Variants in H1-4 observed in about 807,000 individuals in gnomAD.
H1-4 encodes the protein histone H1.4.
H1-4 carries 9 observed loss-of-function variants against 7.2 expected under a neutral mutation model. That is an observed-to-expected ratio of 1.25 (90% CI 0.75 to 2.18). The LOEUF (loss-of-function observed/expected upper bound fraction) is 2.18, where lower values mean the gene tolerates loss of function less well. Ranked by LOEUF, H1-4 falls within the 30% of genes most tolerant of loss-of-function variation. H1-4 has a pLI of 0.00. For missense variants in H1-4, 646 were observed against 287.9 expected, an observed-to-expected ratio of 2.24 and a Z score of -9.00; for synonymous variants, 318 against 126.6, an observed-to-expected ratio of 2.51 and a Z score of -10.15.
chr6:26,156,724 G>T lies in H1-4; in HGVS notation c.334G>T (p.Ala112Ser). Reference sequence around the variant, plus strand: ...TTCCTTCAAACTCAACAAGAAGGCGGCCTCTGGGGAAGCCAAGCCTAAGGC... The same window carrying T: ...TTCCTTCAAACTCAACAAGAAGGCGTCCTCTGGGGAAGCCAAGCCTAAGGC... ...SGSFKLNKKA[A>S]SGEAKPKAKK... Residue 112 changes from alanine (A) to serine (S), a missense_variant, in exon 1 of 1, where the codon GCC becomes TCC. Transcript: ENST00000304218. The T allele has an allele frequency of 6.2e-7, 1 of 1,614,180 alleles. No individual in the cohort carries two copies. Among genetic ancestry groups the T allele is most frequent in the Middle Eastern group, 1.7e-4 (1 of 6,048 alleles).
Position 26,156,714 on chromosome 6 carries a change from C to T in H1-4, c.324C>T (p.Asn108=), listed in dbSNP as rs138100908. Residue 108 remains asparagine, a synonymous_variant, in exon 1 of 1, where the codon AAC becomes AAT. Transcript: ENST00000304218. The part of the protein sequence containing the change: ...GTGASGSFKL[N]KKAASGEAKP... Reference sequence around the variant, plus strand: ...GCGCGTCGGGTTCCTTCAAACTCAACAAGAAGGCGGCCTCTGGGGAAGCCA... The same window carrying T: ...GCGCGTCGGGTTCCTTCAAACTCAATAAGAAGGCGGCCTCTGGGGAAGCCA... The T allele has an allele frequency of 3.4e-5, 55 of 1,614,114 alleles. No individual in the cohort carries two copies. The African/African-American group carries it at 5.2e-4, about 15-fold the overall frequency.
chr6:26,157,001 C>T lies in H1-4; in HGVS notation c.611C>T (p.Ala204Val). 2 of 1,599,630 alleles carry T rather than the reference C, an allele frequency of 1.3e-6. No homozygotes were observed. The highest frequency in any genetic ancestry group is 1.7e-6 in the Non-Finnish European group (2 of 1,176,538). ...CCCAAGGCGGCTAAACCAAAGACCG[C>T]CAAGCCCAAGGCAGCCAAGCCAAAG... ...VKPKAAKPKT[A>V]KPKAAKPKKA... The change falls in exon 1 of 1, where the codon GCC becomes GTC. Residue 204 changes from alanine to valine, a missense_variant. By Grantham distance (64) the Ala-to-Val change is moderately conservative (BLOSUM62 0). Transcript: ENST00000304218.
At position 26,156,514 on chromosome 6, in the gene H1-4, G is replaced by T; in HGVS notation, c.124G>T (p.Glu42Ter). 1 of 1,613,894 alleles carries T rather than the reference G, an allele frequency of 6.2e-7. No homozygotes were observed. Among genetic ancestry groups the T allele is most frequent in the Non-Finnish European group, 8.5e-7 (1 of 1,179,978 alleles). The change falls in exon 1 of 1, where the codon GAG becomes TAG. Residue 42 changes from glutamate (E) to a stop codon, truncating the protein, a stop_gained. Coordinates refer to ENST00000304218, the MANE Select transcript of H1-4 (RefSeq NM_005321.3). LOFTEE classifies it high-confidence loss of function. ...CAAAGCGTCTGGGCCCCCGGTGTCC[G>T]AGCTCATTACTAAAGCTGTTGCCGC... ...KRKASGPPVS[E>*]LITKAVAASK...
In H1-4 at chr6:26,156,930, G is replaced by A. The variant is rs1764201787; in HGVS notation, c.540G>A (p.Lys180=). Residue 180 remains lysine (K), a synonymous_variant, in exon 1 of 1, where the codon AAG becomes AAA. Coordinates refer to ENST00000304218, the MANE Select transcript of H1-4 (RefSeq NM_005321.3). ...GCCCGAAAAAGGCGAAAGCAGCCAA[G>A]CCAAAAAAGGCGCCCAAGAGCCCAG... ...AKSPKKAKAA[K]PKKAPKSPAK... is the part of the protein sequence containing the mutation. The A allele has an allele frequency of 1.9e-6, 3 of 1,612,150 alleles. No individual in the cohort carries two copies. The highest frequency in any genetic ancestry group is 1.1e-5 in the South Asian group (1 of 91,018).
rs753820303 is a variant in H1-4 at position 26,156,487 on chromosome 6, C to A, written c.97C>A (p.Arg33Ser). The A allele has an allele frequency of 6.2e-7, 1 of 1,613,478 alleles. No homozygotes were observed. The highest frequency in any genetic ancestry group is 8.5e-7 in the Non-Finnish European group (1 of 1,179,898). Residue 33 changes from arginine to serine, a missense_variant, in exon 1 of 1, where the codon CGC (arginine) becomes AGC (serine). Arg to Ser is a moderately radical substitution (Grantham distance 110). Transcript: ENST00000304218. The stretch of plus-strand genomic sequence containing the variant: ...CCGCAAGTCTGCAGGTGCGGCCAAG[C>A]GCAAAGCGTCTGGGCCCCCGGTGTC... ...KARKSAGAAK[R>S]KASGPPVSEL...
rs777591125 is a variant in H1-4, at chr6:26,156,860, A to C, written c.470A>C (p.Lys157Thr). The C allele has an allele frequency of 3.1e-6, 5 of 1,607,678 alleles. No individual in the cohort carries two copies. Among genetic ancestry groups the C allele is most frequent in the Non-Finnish European group, 4.2e-6 (5 of 1,177,692 alleles). ...AAGAGCGCCAAGAAGACCCCAAAGAAGGCGAAGAAGCCGGCTGCAGCTGCT... is the reference window on the plus strand; with the variant it reads ...AAGAGCGCCAAGAAGACCCCAAAGACGGCGAAGAAGCCGGCTGCAGCTGCT... ...PKKSAKKTPK[K>T]AKKPAAAAGA... The change falls in exon 1 of 1, where the codon AAG (lysine) becomes ACG (threonine). Residue 157 changes from lysine (K) to threonine (T), a missense_variant. Transcript: ENST00000304218.
Position 26,156,537 on chromosome 6 carries a change from C to A in H1-4, c.147C>A (p.Ala49=). 6.2e-7 allele frequency: 1 copy of A among 1,614,066 alleles called. No individual in the cohort carries two copies. The highest frequency in any genetic ancestry group is 1.3e-5 in the African/African-American group (1 of 75,068). ...CCGAGCTCATTACTAAAGCTGTTGC[C>A]GCCTCCAAGGAGCGCAGCGGCGTAT... ...PVSELITKAV[A]ASKERSGVSL... is the part of the protein sequence containing the mutation. Residue 49 remains alanine (A), a synonymous_variant, in exon 1 of 1, where the codon GCC becomes GCA. Transcript: ENST00000304218.
rs758949020 is a variant in H1-4, at chr6:26,156,936, A to AT, written c.546_547insT (p.Lys183Ter). The AT allele has an allele frequency of 6.2e-7, 1 of 1,612,362 alleles. No homozygotes were observed. The highest frequency in any genetic ancestry group is 8.5e-7 in the Non-Finnish European group (1 of 1,179,830). ...AAAAGGCGAAAGCAGCCAAGCCAAA[A>AT]AAGGCGCCCAAGAGCCCAGCGAAGG... On this transcript the variant is annotated frameshift_variant, in exon 1 of 1. Transcript: ENST00000304218. LOFTEE classifies it high-confidence loss of function.
Position 26,157,102 on chromosome 6 carries a change from T to C in H1-4, c.*52T>C. On this transcript the variant is annotated 3_prime_UTR_variant, in exon 1 of 1. Transcript: ENST00000304218. ...AGCCCAACACAACCCAAAGGCTCTT[T>C]TCAGAGCCACCCACCGCTCTCAGTA... is the stretch of plus-strand genomic sequence containing the variant. 1 of 1,546,198 alleles carries C rather than the reference T, an allele frequency of 6.5e-7. No homozygotes were observed. The highest frequency in any genetic ancestry group is 8.7e-7 in the Non-Finnish European group (1 of 1,155,254).
chr6:26,156,678 CA>C lies in H1-4; in HGVS notation c.290del (p.Lys97ArgfsTer132). 1 of 1,614,196 alleles carries C rather than the reference CA, an allele frequency of 6.2e-7. No homozygotes were observed. The highest frequency in any genetic ancestry group is 8.5e-7 in the Non-Finnish European group (1 of 1,180,038). The stretch of plus-strand genomic sequence containing the variant: ...TGAGCAAGGGCACCCTGGTGCAGAC[CA>C]AGGGCACCGGCGCGTCGGGTTCCTT... ...LVSKGTLVQT[K>X]GTGASGSFKL... On this transcript the variant is annotated frameshift_variant, in exon 1 of 1. Transcript: ENST00000304218. LOFTEE classifies it high-confidence loss of function.
chr6:26,156,795 G>C lies in H1-4; in HGVS notation c.405G>C (p.Ala135=), dbSNP rs750154588. ...AGGCCAAGAAGCCAGCAGGAGCGGC[G>C]AAGAAGCCCAAGAAGGCGACGGGGG... ...AAKAKKPAGA[A]KKPKKATGAA... The change falls in exon 1 of 1, where the codon GCG becomes GCC. Residue 135 remains alanine, a synonymous_variant. Transcript: ENST00000304218. 3.7e-6 allele frequency: 6 copies of C among 1,611,000 alleles called. No homozygotes were observed. In the African/African-American group the frequency reaches 6.7e-5, roughly 18 times the overall value.
rs779505837 is a variant in H1-4 at position 26,156,474 on chromosome 6, A to G, written c.84A>G (p.Ala28=). ...TPVKKKARKS[A]GAAKRKASGP... ...TGAAGAAGAAGGCCCGCAAGTCTGCAGGTGCGGCCAAGCGCAAAGCGTCTG... is the reference window on the plus strand; with the variant it reads ...TGAAGAAGAAGGCCCGCAAGTCTGCGGGTGCGGCCAAGCGCAAAGCGTCTG... Residue 28 remains alanine (A), a synonymous_variant, in exon 1 of 1, where the codon GCA becomes GCG. Transcript: ENST00000304218. The G allele has an allele frequency of 1.9e-6, 3 of 1,613,316 alleles. No homozygotes were observed. The highest frequency in any genetic ancestry group is 4.5e-5 in the East Asian group (2 of 44,864).
rs759953648 is a variant in H1-4, at chr6:26,156,382, G to T, written c.-9G>T. ...GCTCGAATTGCTCTCGCTCACGCTT[G>T]CCTTCAACATGTCCGAGACTGCGCC... On this transcript the variant is annotated 5_prime_UTR_variant, in exon 1 of 1. Transcript: ENST00000304218. 18 of 1,552,712 alleles carry T rather than the reference G, an allele frequency of 1.2e-5. No homozygotes were observed. The Middle Eastern group carries it at 5.7e-4, about 49-fold the overall frequency.
In H1-4 at chr6:26,156,818, G is replaced by C. The variant is rs1240320125; in HGVS notation, c.428G>C (p.Gly143Ala). 1 of 1,607,660 alleles carries C rather than the reference G, an allele frequency of 6.2e-7. No homozygotes were observed. Among genetic ancestry groups the C allele is most frequent in the Non-Finnish European group, 8.5e-7 (1 of 1,177,180 alleles). Residue 143 changes from glycine to alanine, a missense_variant, in exon 1 of 1, where the codon GGG becomes GCG. Physicochemically the swap from Gly to Ala is moderately conservative, Grantham distance 60. Coordinates refer to ENST00000304218, the MANE Select transcript of H1-4 (RefSeq NM_005321.3). ...GCGAAGAAGCCCAAGAAGGCGACGGGGGCGGCCACCCCCAAGAAGAGCGCC... is the reference window on the plus strand; with the variant it reads ...GCGAAGAAGCCCAAGAAGGCGACGGCGGCGGCCACCCCCAAGAAGAGCGCC... ...GAAKKPKKAT[G>A]AATPKKSAKK...
At position 26,157,097 on chromosome 6, in the gene H1-4, C is replaced by G. The variant is rs748345633; in HGVS notation, c.*47C>G. The G allele has an allele frequency of 6.4e-7, 1 of 1,551,956 alleles. No individual in the cohort carries two copies. Among genetic ancestry groups the G allele is most frequent in the Non-Finnish European group, 8.6e-7 (1 of 1,158,366 alleles). On this transcript the variant is annotated 3_prime_UTR_variant, in exon 1 of 1. Transcript: ENST00000304218. The stretch of plus-strand genomic sequence containing the variant: ...TTAGAAGCCCAACACAACCCAAAGG[C>G]TCTTTTCAGAGCCACCCACCGCTCT...
Position 26,156,891 on chromosome 6 carries a change from C to T in H1-4, c.501C>T (p.Ala167=), listed in dbSNP as rs377228786. 1.0e-4 allele frequency: 163 copies of T among 1,608,190 alleles called. No homozygotes were observed. In the African/African-American group the frequency reaches 1.8e-3, roughly 17 times the overall value. Residue 167 remains alanine, a synonymous_variant, in exon 1 of 1, where the codon GCC becomes GCT. Coordinates refer to ENST00000304218, the MANE Select transcript of H1-4 (RefSeq NM_005321.3). ...KAKKPAAAAG[A]KKAKSPKKAK... is the part of the protein sequence containing the mutation. Reference sequence around the variant, plus strand: ...AGAAGCCGGCTGCAGCTGCTGGAGCCAAAAAAGCGAAAAGCCCGAAAAAGG... The same window carrying T: ...AGAAGCCGGCTGCAGCTGCTGGAGCTAAAAAAGCGAAAAGCCCGAAAAAGG...
At position 26,156,631 on chromosome 6, in the gene H1-4, A is replaced by C; in HGVS notation, c.241A>C (p.Lys81Gln). 6.2e-7 allele frequency: 1 copy of C among 1,614,236 alleles called. No homozygotes were observed. The highest frequency in any genetic ancestry group is 8.5e-7 in the Non-Finnish European group (1 of 1,180,038). ...YDVEKNNSRI[K>Q]LGLKSLVSKG... ...CGTGGAGAAGAACAACAGCCGCATC[A>C]AGCTGGGTCTCAAGAGCCTGGTGAG... The change falls in exon 1 of 1, where the codon AAG (lysine) becomes CAG (glutamine). Residue 81 changes from lysine to glutamine, a missense_variant. Physicochemically the swap from Lys to Gln is moderately conservative, Grantham distance 53. Coordinates refer to ENST00000304218, the MANE Select transcript of H1-4 (RefSeq NM_005321.3).
Position 26,157,014 on chromosome 6 carries a change from A to C in H1-4, c.624A>C (p.Ala208=), listed in dbSNP as rs111653697. ...AACCAAAGACCGCCAAGCCCAAGGCAGCCAAGCCAAAGAAGGCGGCAGCCA... is the reference window on the plus strand; with the variant it reads ...AACCAAAGACCGCCAAGCCCAAGGCCGCCAAGCCAAAGAAGGCGGCAGCCA... ...AAKPKTAKPK[A]AKPKKAAAKK... The change falls in exon 1 of 1, where the codon GCA becomes GCC. Residue 208 remains alanine, a synonymous_variant. Transcript: ENST00000304218. The C allele has an allele frequency of 6.3e-7, 1 of 1,587,068 alleles. No individual in the cohort carries two copies. The highest frequency in any genetic ancestry group is 8.5e-7 in the Non-Finnish European group (1 of 1,173,304).
rs199572273 is a variant in H1-4, at chr6:26,157,089, C to T, written c.*39C>T. The T allele has an allele frequency of 2.0e-5, 31 of 1,558,060 alleles. No homozygotes were observed. The highest frequency in any genetic ancestry group is 1.1e-4 in the East Asian group (5 of 44,540). On this transcript the variant is annotated 3_prime_UTR_variant, in exon 1 of 1. Coordinates refer to ENST00000304218, the MANE Select transcript of H1-4 (RefSeq NM_005321.3). Reference sequence around the variant, plus strand: ...CCAACTGCTTAGAAGCCCAACACAACCCAAAGGCTCTTTTCAGAGCCACCC... The same window carrying T: ...CCAACTGCTTAGAAGCCCAACACAATCCAAAGGCTCTTTTCAGAGCCACCC...
Sources: gnomAD v4.1 joint callset for allele counts on GRCh38, gnomAD v4.1.1 for gene constraint, MANE v1.5 for transcripts, NCBI Gene and HGNC (gene_info 2026-07-23, HGNC 2026-07-21) for gene names.